The following DHX8 variants were observed in gnomAD, a reference collection of about 807,000 sequenced individuals.
DHX8 encodes the protein ATP-dependent RNA helicase DHX8.
In DHX8, 67 loss-of-function variants were observed where a neutral mutation model predicts 140.7. The ratio of observed to expected loss-of-function variants is 0.48; its 90% CI spans 0.39 to 0.58. The LOEUF is 0.58. Among genes scored for constraint, DHX8 ranks in the 20% least tolerant of loss-of-function variants. The pLI is 0.00. For missense variants in DHX8, 887 were observed against 1,550.7 expected, an observed-to-expected ratio of 0.57 and a Z score of 7.19; for synonymous variants, 533 against 553.2, an observed-to-expected ratio of 0.96 and a Z score of 0.51.
At chr17:43,536,479 G>T in exon 3 of DHX8, 1 of 1,614,208 alleles carries the variant, frequency 6.2e-7, no homozygotes, top group Non-Finnish European at 8.5e-7. Flanking sequence ...TGGTACCTGA[G>T]CTGCAGAGAG....
chr17:43,504,830 G>A lies in DHX8; in HGVS notation c.1728+5G>A, dbSNP rs1361722180. On this transcript the variant is annotated splice_donor_5th_base_variant and intron_variant, in intron 12 of 22. Coordinates refer to ENST00000262415, the MANE Select transcript of DHX8 (RefSeq NM_004941.3). ...CTGAAGGAGCAATTGGTCCAGGTGAGAAGACTTTTATGATGTATTGGTGGG... is the reference window on the plus strand; with the variant it reads ...CTGAAGGAGCAATTGGTCCAGGTGAAAAGACTTTTATGATGTATTGGTGGG... The A allele has an allele frequency of 6.2e-7, 1 of 1,611,154 alleles. No homozygotes were observed. Among genetic ancestry groups the A allele is most frequent in the African/African-American group, 1.3e-5 (1 of 74,724 alleles).
At chr17:43,531,056 G>A (rs554665490), downstream of DHX8, among the ~76,000 whole-genome samples, 1 of 152,288 alleles carries the variant, frequency 6.6e-6, no homozygotes, top group African/African-American at 2.4e-5. Context: ...CCTCTCCCCA[G>A]CTCACTGCCA....
downstream of DHX8, among the ~76,000 whole-genome samples, chr17:43,528,933 C>T (rs986074149): frequency 5.3e-5 from 8 of 152,164 alleles, no homozygotes; most frequent in African/African-American, 1.9e-4. Flanking sequence ...CTCAACTTCT[C>T]CATGCTTGGG....
At chr17:43,529,064 G>T, downstream of DHX8, 2 of 1,422,974 alleles carry the variant, frequency 1.4e-6, no homozygotes, top group Non-Finnish European at 2.0e-6. Flanking sequence ...CTGCCCTGCT[G>T]ACCCTCTCCC....
downstream of DHX8, chr17:43,529,259 G>A (rs761769290): frequency 3.1e-6 from 5 of 1,610,802 alleles, no homozygotes; most frequent in South Asian, 4.4e-5. Flanking sequence ...CAGTTTTGGG[G>A]TAGAGATGCT....
At position 43,523,992 on chromosome 17, in the gene DHX8, G is replaced by C; in HGVS notation, c.*145G>C. Reference sequence around the variant, plus strand: ...TCAACTCGACTCTCATTTCTTCCCTGCTGGTAAAATAGAAACAGGGATTTA... The same window carrying C: ...TCAACTCGACTCTCATTTCTTCCCTCCTGGTAAAATAGAAACAGGGATTTA... On this transcript the variant is annotated 3_prime_UTR_variant, in exon 23 of 23. Coordinates refer to ENST00000262415, the MANE Select transcript of DHX8 (RefSeq NM_004941.3). The C allele has an allele frequency of 1.4e-6, 2 of 1,447,908 alleles. No individual in the cohort carries two copies. Among genetic ancestry groups the C allele is most frequent in the Non-Finnish European group, 1.8e-6 (2 of 1,104,462 alleles). The allele number at this position is 1,447,908 out of a possible 1,614,324, so 89.7% of individuals were successfully genotyped here.
chr17:43,526,136 G>C (rs778902179), downstream of DHX8: 17 of 985,220 alleles, frequency 1.7e-5, no homozygotes, highest in East Asian at 5.7e-4. Context: ...AGGGAGAAGG[G>C]GGGGGTCCTG....
intron 3 of DHX8, among the ~76,000 whole-genome samples, chr17:43,543,274 A>ACTCTCTCTCTCTCTCT (rs1250640458): frequency 2.4e-5 from 1 of 41,496 alleles, no homozygotes; most frequent in African/African-American, 1.7e-4. Flanking sequence ...TAACACACAC[A>ACTCTCTCTCTCTCTCT]CACTCTCTCT....
Position 43,513,363 on chromosome 17 carries a change from T to C in DHX8, c.2504T>C (p.Val835Ala), listed in dbSNP as rs765079116. The stretch of plus-strand genomic sequence containing the variant: ...CAGCTTTGCCCCTCTTGCCTGCAGG[T>C]TGTGATTGCCACCAATATCGCAGAG... Reference protein sequence around the residue: ...FDPAPPGSRKVVIATNIAETS... With the variant: ...FDPAPPGSRKAVIATNIAETS... Residue 835 changes from valine to alanine, a missense_variant and splice_region_variant, in exon 17 of 23, where the codon GTT becomes GCT. Coordinates refer to ENST00000262415, the MANE Select transcript of DHX8 (RefSeq NM_004941.3). 1 of 1,613,008 alleles carries C rather than the reference T, an allele frequency of 6.2e-7. No homozygotes were observed. Among genetic ancestry groups the C allele is most frequent in the East Asian group, 2.2e-5 (1 of 44,772 alleles).
chr17:43,504,514 G>T, intron 11 of DHX8, 130 bp from the exon 12 acceptor site: 1 of 836,564 alleles, frequency 1.2e-6, no homozygotes. Context: ...TTGTTTCTTT[G>T]AGTACTTTTG....
chr17:43,533,366 A>C (rs1971063056), intron 2 of DHX8: 1 of 1,605,584 alleles, frequency 6.2e-7, no homozygotes, highest in African/African-American at 1.3e-5. Flanking sequence ...TGAGAAGGAG[A>C]CAGGGGTGAG....
At chr17:43,526,319 C>T (rs755387059), downstream of DHX8, 61 of 1,423,002 alleles carry the variant, frequency 4.3e-5, no homozygotes, top group Admixed American at 7.9e-5. Context: ...CCCCACCCCG[C>T]GAGAACCAAG....
At chr17:43,536,762 C>G (rs1190640868) in intron 3 of DHX8, among the ~76,000 whole-genome samples, 1 of 152,246 alleles carries the variant, frequency 6.6e-6, no homozygotes, top group Non-Finnish European at 1.5e-5. Flanking sequence ...CAAAGCTACC[C>G]TGGGCTGAAA....
rs758962002 is a variant in DHX8 at position 43,491,254 on chromosome 17, C to T, written c.393+4C>T. ...ACCGGACAACCCTTCTGTTCGGGTA[C>T]TGATACCATTTTAAGAGTGTCTACT... On this transcript the variant is annotated splice_donor_region_variant and intron_variant, in intron 4 of 22. Transcript: ENST00000262415. The T allele has an allele frequency of 6.0e-6, 9 of 1,490,638 alleles. No individual in the cohort carries two copies. Among genetic ancestry groups the T allele is most frequent in the Non-Finnish European group, 8.1e-6 (9 of 1,110,674 alleles). 92.3% of individuals were successfully genotyped at this position (1,490,638 alleles called of 1,614,324 possible).
chr17:43,541,890 GGGA>G (rs1971541848), intron 3 of DHX8, among the ~76,000 whole-genome samples: 1 of 152,160 alleles, frequency 6.6e-6, no homozygotes, highest in African/African-American at 2.4e-5. Context: ...GGAAAGATTA[GGGA>G]GGAGATTAAC....
chr17:43,535,360 C>A (rs1032556249), intron 2 of DHX8, among the ~76,000 whole-genome samples: 2 of 152,174 alleles, frequency 1.3e-5, no homozygotes, highest in Non-Finnish European at 2.9e-5. Context: ...TCACTGCAAC[C>A]TCCGCCTCCC....
At chr17:43,537,857 G>A (rs1475120356) in intron 3 of DHX8, among the ~76,000 whole-genome samples, 1 of 150,882 alleles carries the variant, frequency 6.6e-6, no homozygotes, top group Non-Finnish European at 1.5e-5. Flanking sequence ...GGCCGGGCGC[G>A]GTGGCTCACG....
At chr17:43,511,348 A>G (rs1351641373) in intron 16 of DHX8, among the ~76,000 whole-genome samples, 3 of 151,914 alleles carry the variant, frequency 2.0e-5, no homozygotes, top group Admixed American at 2.0e-4. Flanking sequence ...AAAGATAGAC[A>G]TAGGAGTCAT....
intron 1 of DHX8, among the ~76,000 whole-genome samples, chr17:43,485,856 T>TA (rs1968110928): frequency 6.6e-6 from 1 of 152,228 alleles, no homozygotes; most frequent in Non-Finnish European, 1.5e-5. Context: ...AACCCACAAA[T>TA]ATGCTTTTTC....
Sources: allele counts gnomAD v4.1 joint callset (sites outside exome capture counted in the v4.1 genomes callset), GRCh38; gene constraint gnomAD v4.1.1; transcripts MANE v1.5; gene names NCBI Gene and HGNC (gene_info 2026-07-23, HGNC 2026-07-21).